GLIS3: variants seen among roughly 807,000 people sequenced by gnomAD.
GLIS3 encodes GLIS family zinc finger 3.
A neutral mutation model predicts 78.6 loss-of-function variants in GLIS3; 53 were observed. The observed-to-expected ratio is 0.67, with a 90% CI of 0.54 to 0.85. The LOEUF (loss-of-function observed/expected upper bound fraction) is 0.85. Ranked by LOEUF, GLIS3 falls within the 40% of genes least tolerant of loss-of-function variation. The pLI, the probability that GLIS3 is intolerant of heterozygous loss-of-function variation, is 0.00. For synonymous variants in GLIS3, 684 were observed against 509.9 expected (o/e 1.34, Z -4.60); for missense variants, 1,703 against 1,231.1 (o/e 1.38, Z -5.74).
chr9:4,340,293 GAA>G (rs34253104), intron 2 of GLIS3, among the ~76,000 whole-genome samples: 52 of 133,254 alleles, frequency 3.9e-4, no homozygotes, highest in African/African-American at 1.4e-3. Flanking sequence ...AATCAAATGA[GAA>G]AAAAAAAAAA....
At chr9:4,312,753 G>A (rs1817384759) in intron 2 of GLIS3, among the ~76,000 whole-genome samples, 1 of 152,192 alleles carries the variant, frequency 6.6e-6, no homozygotes, top group African/African-American at 2.4e-5. Context: ...CCTTGGGGCT[G>A]GTGGAGCTGG....
intron 4 of GLIS3, among the ~76,000 whole-genome samples, chr9:3,943,584 A>G (rs1477848435): frequency 6.6e-6 from 1 of 152,232 alleles, no homozygotes; most frequent in Non-Finnish European, 1.5e-5. Context: ...GGTTAATTTG[A>G]GAGTCCTCTT....
At chr9:4,457,726 T>C in the GLIS3 span, among the ~76,000 whole-genome samples, 1 of 151,866 alleles carries the variant, frequency 6.6e-6, no homozygotes, top group Non-Finnish European at 1.5e-5. Flanking sequence ...GGCACATATC[T>C]GTAGTCCCAG....
chr9:3,997,265 G>A (rs1040725550), intron 4 of GLIS3, among the ~76,000 whole-genome samples: 1 of 152,174 alleles, frequency 6.6e-6, no homozygotes, highest in Non-Finnish European at 1.5e-5. Flanking sequence ...AGAATCGCTT[G>A]AACTCAGGAG....
chr9:4,220,867 C>G (rs894786834), intron 2 of GLIS3, among the ~76,000 whole-genome samples: 1 of 152,104 alleles, frequency 6.6e-6, no homozygotes, highest in Non-Finnish European at 1.5e-5. Flanking sequence ...GACCTGTAAT[C>G]CCAGCTACTC....
At chr9:4,091,379 G>C (rs1440490475) in intron 4 of GLIS3, among the ~76,000 whole-genome samples, 1 of 151,552 alleles carries the variant, frequency 6.6e-6, no homozygotes, top group African/African-American at 2.4e-5. Flanking sequence ...AAAAAATTAA[G>C]TTAAAAAAAT....
intron 4 of GLIS3, among the ~76,000 whole-genome samples, chr9:4,092,542 A>C (rs1829610739): frequency 1.3e-5 from 2 of 152,152 alleles, no homozygotes; most frequent in Non-Finnish European, 2.9e-5. Flanking sequence ...AATTTTTTTA[A>C]ACTTTTTAAA....
chr9:4,014,575 C>T (rs1235228417), intron 4 of GLIS3, among the ~76,000 whole-genome samples: 1 of 152,102 alleles, frequency 6.6e-6, no homozygotes, highest in Non-Finnish European at 1.5e-5. Context: ...GAATTGCCAG[C>T]AATGATTAGA....
intron 2 of GLIS3, among the ~76,000 whole-genome samples, chr9:4,318,593 G>A (rs557803581): frequency 6.6e-6 from 1 of 152,042 alleles, no homozygotes; most frequent in African/African-American, 2.4e-5. Flanking sequence ...TAAAACATTG[G>A]CAGCAAAAAG....
rs546177173 is a variant in GLIS3 at position 4,225,395 on chromosome 9, C to T, written c.388+60643G>A. On this transcript the variant is annotated intron_variant, in intron 2 of 10. Coordinates refer to ENST00000381971, the MANE Select transcript of GLIS3 (RefSeq NM_001042413.2). ...TGATGAGAACTAGACAGCCAAGACACTGGAAAATTTTTTAACCATTAGAAA... is the reference window on the plus strand; with the variant it reads ...TGATGAGAACTAGACAGCCAAGACATTGGAAAATTTTTTAACCATTAGAAA... Among the ~76,000 whole-genome samples the T allele has an allele frequency of 9.9e-5, 15 of 152,270 alleles. No homozygotes were observed. The South Asian group carries it at 1.9e-3, about 19-fold the overall frequency.
At chr9:4,189,600 A>AGTCTCCCAT (rs1478014714) in intron 2 of GLIS3, among the ~76,000 whole-genome samples, 2 of 152,140 alleles carry the variant, frequency 1.3e-5, no homozygotes, top group African/African-American at 4.8e-5. Flanking sequence ...GGGGTGTTAA[A>AGTCTCCCAT]GTCTCCCATT....
intron 7 of GLIS3, among the ~76,000 whole-genome samples, chr9:3,894,186 C>A (rs1385960565): frequency 6.6e-6 from 1 of 152,166 alleles, no homozygotes; most frequent in Non-Finnish European, 1.5e-5. Context: ...CAAAGCAGTG[C>A]TTTTGAAGTT....
At chr9:3,926,599 TTC>T (rs1339526226) in intron 6 of GLIS3, among the ~76,000 whole-genome samples, 1 of 151,384 alleles carries the variant, frequency 6.6e-6, no homozygotes, top group East Asian at 1.9e-4. Flanking sequence ...CTCCTTTTCT[TTC>T]TCTCTCCTTC....
At chr9:4,368,312 C>CTGGGTAGG in the GLIS3 span, among the ~76,000 whole-genome samples, 1 of 150,978 alleles carries the variant, frequency 6.6e-6, no homozygotes, top group Non-Finnish European at 1.5e-5. Flanking sequence ...TGAAAGAGCA[C>CTGGGTAGG]TGGGTAGGGA....
intron 2 of GLIS3, among the ~76,000 whole-genome samples, chr9:4,217,821 G>C (rs868236964): frequency 6.6e-6 from 1 of 152,106 alleles, no homozygotes; most frequent in East Asian, 1.9e-4. Context: ...CAAACAAAGG[G>C]ATTTCCGTGG....
chr9:4,164,650 C>T (rs1835743548), intron 2 of GLIS3, among the ~76,000 whole-genome samples: 1 of 152,168 alleles, frequency 6.6e-6, no homozygotes, highest in African/African-American at 2.4e-5. Flanking sequence ...AAAGGAAAGG[C>T]TGCTTAGAGG....
intron 4 of GLIS3, among the ~76,000 whole-genome samples, chr9:4,109,196 G>A (rs1388379384): frequency 6.6e-6 from 1 of 152,138 alleles, no homozygotes; most frequent in Non-Finnish European, 1.5e-5. Flanking sequence ...TGAAAAGGCT[G>A]ACAAGCTCAG....
At position 3,898,801 on chromosome 9, in the gene GLIS3, A is replaced by G; in HGVS notation, c.2018T>C (p.Leu673Pro). 1 of 1,614,176 alleles carries G rather than the reference A, an allele frequency of 6.2e-7. No homozygotes were observed. The highest frequency in any genetic ancestry group is 8.5e-7 in the Non-Finnish European group (1 of 1,180,026). ...RSSTELHPDLLTDCLTVQSLQ... is the reference protein window; with the variant it reads ...RSSTELHPDLPTDCLTVQSLQ... ...GGACTGCACGGTGAGGCAATCTGTG[A>G]GCAGGTCTGGATGGAGCTCTGTGCT... is the stretch of plus-strand genomic sequence containing the variant. Residue 673 changes from leucine to proline, a missense_variant, in exon 7 of 11, where the codon CTC becomes CCC. Leu to Pro is a moderately conservative substitution (Grantham distance 98). Coordinates refer to ENST00000381971, the MANE Select transcript of GLIS3 (RefSeq NM_001042413.2).
chr9:4,470,106 T>C, the GLIS3 span, among the ~76,000 whole-genome samples: 1 of 152,098 alleles, frequency 6.6e-6, no homozygotes, highest in African/African-American at 2.4e-5. Flanking sequence ...ATTGAGGCAA[T>C]AATTAATAAC....
Sources: allele counts gnomAD v4.1 joint callset (sites outside exome capture counted in the v4.1 genomes callset), GRCh38; gene constraint gnomAD v4.1.1; transcripts MANE v1.5; gene names NCBI Gene and HGNC (gene_info 2026-07-23, HGNC 2026-07-21).